The following KCNN2 variants were observed in gnomAD, a reference collection of about 807,000 sequenced individuals.
The protein encoded by KCNN2 is potassium calcium-activated channel subfamily N member 2.
A neutral mutation model predicts 55.5 loss-of-function variants in KCNN2; 24 were observed. That is an observed-to-expected ratio of 0.43 (90% CI 0.31 to 0.61). The LOEUF is 0.61. Among genes scored for constraint, KCNN2 ranks in the 20% least tolerant of loss-of-function variants. The pLI, the probability that KCNN2 is intolerant of heterozygous loss-of-function variation, is 0.08. For missense variants in KCNN2, 754 were observed against 853.6 expected, an observed-to-expected ratio of 0.88 and a Z score of 1.45; for synonymous variants, 431 against 336.1, an observed-to-expected ratio of 1.28 and a Z score of -3.09.
intron 2 of KCNN2, among the ~76,000 whole-genome samples, chr5:114,304,100 C>A (rs1756220275): frequency 6.6e-6 from 1 of 152,086 alleles, no homozygotes. Context: ...TAAGCTCTGC[C>A]CACTGGAAGA....
chr5:114,377,796 C>G (rs1561595440), intron 2 of KCNN2, among the ~76,000 whole-genome samples: 1 of 152,116 alleles, frequency 6.6e-6, no homozygotes, highest in Admixed American at 6.6e-5. Flanking sequence ...GATCATTGTA[C>G]CTATCTCATT....
chr5:114,416,250 G>T (rs1434679768), intron 3 of KCNN2, among the ~76,000 whole-genome samples: 25 of 152,142 alleles, frequency 1.6e-4, no homozygotes. Context: ...GGAATTTTAA[G>T]ATTCTTTTTG....
chr5:114,086,245 A>T (rs1356811394), intron 1 of KCNN2, among the ~76,000 whole-genome samples: 1 of 152,024 alleles, frequency 6.6e-6, no homozygotes, highest in Non-Finnish European at 1.5e-5. Context: ...TGGGATGATT[A>T]GTCCAATCTG....
At chr5:114,199,094 A>G (rs558373470) in intron 1 of KCNN2, among the ~76,000 whole-genome samples, 4 of 152,052 alleles carry the variant, frequency 2.6e-5, no homozygotes, top group African/African-American at 7.2e-5. Context: ...TGTTTCATGA[A>G]TTTGGATGCT....
At chr5:114,094,733 A>G (rs1251820152) in intron 1 of KCNN2, among the ~76,000 whole-genome samples, 1 of 152,180 alleles carries the variant, frequency 6.6e-6, no homozygotes, top group South Asian at 2.1e-4. Context: ...TTTGACAATT[A>G]TAAGATTGAA....
chr5:114,177,266 T>C (rs1476104292), intron 1 of KCNN2, among the ~76,000 whole-genome samples: 2 of 151,702 alleles, frequency 1.3e-5, no homozygotes, highest in Non-Finnish European at 2.9e-5. Context: ...GCCTCCTGAG[T>C]AGCTGGGACT....
chr5:114,165,767 C>A (rs189524492), intron 1 of KCNN2, among the ~76,000 whole-genome samples: 1,611 of 152,180 alleles, frequency 0.011, 13 homozygotes, highest in Non-Finnish European at 0.012. Context: ...ATGTAACATA[C>A]AAAATATGTA....
At chr5:114,428,170 T>C (rs1759684175) in intron 3 of KCNN2, among the ~76,000 whole-genome samples, 1 of 152,256 alleles carries the variant, frequency 6.6e-6, no homozygotes, top group Non-Finnish European at 1.5e-5. Flanking sequence ...CTTTAATCTG[T>C]ATTATGTCTC....
intron 2 of KCNN2, among the ~76,000 whole-genome samples, chr5:114,283,197 G>C (rs1353946017): frequency 1.3e-5 from 2 of 151,996 alleles, no homozygotes; most frequent in African/African-American, 2.4e-5. Flanking sequence ...ACATTGGGCT[G>C]TGTCTTTTGA....
intron 2 of KCNN2, among the ~76,000 whole-genome samples, chr5:114,374,960 T>C (rs769928514): frequency 6.6e-5 from 10 of 152,208 alleles, no homozygotes; most frequent in South Asian, 2.1e-4. Flanking sequence ...AGTCGTCTTC[T>C]GTCAGGAGGC....
At chr5:114,376,947 AGCTGG>A (rs1580765448) in intron 2 of KCNN2, among the ~76,000 whole-genome samples, 1 of 152,152 alleles carries the variant, frequency 6.6e-6, no homozygotes, top group African/African-American at 2.4e-5. Context: ...TGAAACACTT[AGCTGG>A]GCGTGGTGGT....
chr5:114,392,825 A>G (rs1328776961), intron 2 of KCNN2, among the ~76,000 whole-genome samples: 1 of 139,494 alleles, frequency 7.2e-6, no homozygotes, highest in African/African-American at 2.6e-5. Flanking sequence ...TTTTTCCTTC[A>G]CTTTGTTACA....
chr5:114,472,535 T>C (rs1244985947), intron 4 of KCNN2, among the ~76,000 whole-genome samples: 1 of 108,958 alleles, frequency 9.2e-6, no homozygotes, highest in Non-Finnish European at 1.9e-5. Context: ...CGCTTCCTCT[T>C]GTGTGTGTGG....
At chr5:114,228,654 T>G (rs1003119109) in intron 2 of KCNN2, among the ~76,000 whole-genome samples, 1 of 152,088 alleles carries the variant, frequency 6.6e-6, no homozygotes, top group African/African-American at 2.4e-5. Context: ...GATATATAAG[T>G]TGAGCTTTCT....
intron 1 of KCNN2, among the ~76,000 whole-genome samples, chr5:114,102,143 T>C (rs1751385139): frequency 6.6e-6 from 1 of 152,226 alleles, no homozygotes; most frequent in African/African-American, 2.4e-5. Context: ...CATGAGATGA[T>C]ATCTCATTGT....
intron 2 of KCNN2, among the ~76,000 whole-genome samples, chr5:114,293,167 A>G (rs185791052): frequency 3.0e-4 from 46 of 152,194 alleles, no homozygotes; most frequent in South Asian, 6.2e-4. Context: ...TCTTTTCCTA[A>G]TTGTATACCC....
chr5:114,101,420 T>C (rs1001710789), intron 1 of KCNN2, among the ~76,000 whole-genome samples: 1 of 150,940 alleles, frequency 6.6e-6, no homozygotes, highest in Admixed American at 6.6e-5. Context: ...TTTTCTTTTT[T>C]TTTTTTTTCT....
chr5:114,093,970 C>A (rs915453412), intron 1 of KCNN2, among the ~76,000 whole-genome samples: 1 of 152,202 alleles, frequency 6.6e-6, no homozygotes, highest in Non-Finnish European at 1.5e-5. Flanking sequence ...GGTTAAGGAA[C>A]CAATCTATGT....
At chr5:114,058,880 A>C (rs1750265569) in intron 1 of KCNN2, among the ~76,000 whole-genome samples, 1 of 152,144 alleles carries the variant, frequency 6.6e-6, no homozygotes, top group African/African-American at 2.4e-5. Context: ...AGAGGAGAGA[A>C]GCTGATGGCA....
Sources: gnomAD v4.1 joint callset for allele counts (sites outside exome capture counted in the v4.1 genomes callset) on GRCh38, gnomAD v4.1.1 for gene constraint, MANE v1.5 for transcripts, NCBI Gene and HGNC (gene_info 2026-07-23, HGNC 2026-07-21) for gene names.